Variants in ATP6V1H observed in about 807,000 individuals in gnomAD.
ATP6V1H encodes the protein V-type proton ATPase subunit H.
A neutral mutation model predicts 71.7 loss-of-function variants in ATP6V1H; 39 were observed. The observed-to-expected ratio is 0.54, with a 90% CI of 0.42 to 0.71. The LOEUF (loss-of-function observed/expected upper bound fraction) is 0.71. Among genes scored for constraint, ATP6V1H ranks in the 30% least tolerant of loss-of-function variants. The pLI is 0.00. For missense variants in ATP6V1H, 509 were observed against 594.9 expected (o/e 0.86, Z 1.50); for synonymous variants, 192 against 199.3 (o/e 0.96, Z 0.31).
At chr8:53,789,045 G>T (rs920339659) in intron 9 of ATP6V1H, among the ~76,000 whole-genome samples, 1 of 152,164 alleles carries the variant, frequency 6.6e-6, no homozygotes, top group Non-Finnish European at 1.5e-5. Flanking sequence ...CCAACAAATT[G>T]CCTTACATAT....
intron 13 of ATP6V1H, among the ~76,000 whole-genome samples, chr8:53,718,384 A>ATTTTTT (rs35145366): frequency 1.6e-5 from 2 of 121,792 alleles, no homozygotes; most frequent in Admixed American, 8.6e-5. Context: ...CTCCTACACA[A>ATTTTTT]TTTTTTTTTT....
chr8:53,771,998 T>C lies in ATP6V1H; in HGVS notation c.1040A>G (p.Gln347Arg). ...AAAAAGAATAACACACCTAAGGTCC[T>C]GGACACTCTCTCCAAGTTTTTCCAA... ...FLLEKLGESV[Q>R]DLSSFDEYSS... The change falls in exon 10 of 14, where the codon CAG becomes CGG. Residue 347 changes from glutamine (Q) to arginine (R), a missense_variant. Coordinates refer to ENST00000359530, the MANE Select transcript of ATP6V1H (RefSeq NM_015941.4). The C allele has an allele frequency of 6.2e-7, 1 of 1,613,658 alleles. No individual in the cohort carries two copies. The highest frequency in any genetic ancestry group is 8.5e-7 in the Non-Finnish European group (1 of 1,179,672).
intron 9 of ATP6V1H, among the ~76,000 whole-genome samples, chr8:53,775,192 A>T (rs900986923): frequency 6.6e-6 from 1 of 151,412 alleles, no homozygotes; most frequent in Non-Finnish European, 1.5e-5. Flanking sequence ...GCGCATGTGG[A>T]GTTGTTCGTT....
chr8:53,741,408 T>C (rs1267358022), intron 13 of ATP6V1H, among the ~76,000 whole-genome samples: 1 of 152,162 alleles, frequency 6.6e-6, no homozygotes, highest in Non-Finnish European at 1.5e-5. Context: ...AATACGCTAA[T>C]AAAATAATAA....
At chr8:53,759,872 A>C (rs1486236214) in intron 11 of ATP6V1H, among the ~76,000 whole-genome samples, 1 of 152,254 alleles carries the variant, frequency 6.6e-6, no homozygotes, top group East Asian at 1.9e-4. Context: ...ATACTTGCTA[A>C]GTGTGGAATT....
chr8:53,718,652 G>C (rs903510858), intron 13 of ATP6V1H, among the ~76,000 whole-genome samples: 8 of 152,148 alleles, frequency 5.3e-5, no homozygotes, highest in African/African-American at 1.9e-4. Flanking sequence ...AGCCCCTAAA[G>C]TGCTGGGGTT....
At chr8:53,727,877 G>A (rs1007030215) in intron 13 of ATP6V1H, among the ~76,000 whole-genome samples, 14 of 152,192 alleles carry the variant, frequency 9.2e-5, no homozygotes, top group Admixed American at 9.2e-4. Context: ...ACATCCAGCT[G>A]CAGTTCGGAA....
intron 9 of ATP6V1H, among the ~76,000 whole-genome samples, chr8:53,783,282 T>C (rs2130370369): frequency 6.6e-6 from 1 of 152,356 alleles, no homozygotes; most frequent in South Asian, 2.1e-4. Context: ...AGGGTGTATG[T>C]GTCTAGGAAT....
At chr8:53,755,511 G>A (rs1344589663) in intron 12 of ATP6V1H, among the ~76,000 whole-genome samples, 1 of 146,306 alleles carries the variant, frequency 6.8e-6, no homozygotes, top group African/African-American at 2.5e-5. Flanking sequence ...CGGGGGGTGG[G>A]GGTGGGAGTG....
At chr8:53,838,516 T>C (rs1303587070) in intron 2 of ATP6V1H, among the ~76,000 whole-genome samples, 2 of 152,226 alleles carry the variant, frequency 1.3e-5, no homozygotes, top group Non-Finnish European at 2.9e-5. Context: ...TTGTTGTAAA[T>C]ATATATACAC....
chr8:53,734,135 C>A (rs927851147), intron 13 of ATP6V1H, among the ~76,000 whole-genome samples: 3 of 152,212 alleles, frequency 2.0e-5, no homozygotes, highest in Admixed American at 2.0e-4. Flanking sequence ...CATTGGCTAA[C>A]GAATGCTAGA....
chr8:53,822,232 T>C (rs1810686509), intron 4 of ATP6V1H, among the ~76,000 whole-genome samples: 1 of 152,152 alleles, frequency 6.6e-6, no homozygotes, highest in African/African-American at 2.4e-5. Context: ...AGGAACCTAC[T>C]AGCAGATAAG....
intron 4 of ATP6V1H, among the ~76,000 whole-genome samples, chr8:53,822,342 A>C (rs921534440): frequency 2.6e-5 from 4 of 152,176 alleles, no homozygotes; most frequent in African/African-American, 4.8e-5. Flanking sequence ...GTAGAATAAT[A>C]ATATATAAAT....
Position 53,833,162 on chromosome 8 carries a change from T to G in ATP6V1H, c.114-76A>C, listed in dbSNP as rs539368197. 4 of 1,159,192 alleles carry G rather than the reference T, an allele frequency of 3.5e-6. No homozygotes were observed. In the South Asian group the frequency reaches 5.3e-5, roughly 15 times the overall value. 71.8% of individuals were successfully genotyped at this position (1,159,192 alleles called of 1,614,324 possible). On this transcript the variant is annotated intron_variant, in intron 2 of 13. Coordinates refer to ENST00000359530, the MANE Select transcript of ATP6V1H (RefSeq NM_015941.4). ...CAAGCGATAGAGGAATTTTCAGTCC[T>G]TCTCTTCTCTCCTTGGCAGCAAACC...
At chr8:53,758,145 TA>T (rs1808139653) in intron 11 of ATP6V1H, among the ~76,000 whole-genome samples, 1 of 152,238 alleles carries the variant, frequency 6.6e-6, no homozygotes, top group African/African-American at 2.4e-5. Context: ...TGTGTGTTTT[TA>T]AAAGGCTAAC....
rs149691286 is a variant in ATP6V1H, at chr8:53,739,524, A to G, written c.1391+4053T>C. 348 of 152,374 alleles carry G rather than the reference A, an allele frequency of 2.3e-3. 2 individuals are homozygous for G. Among genetic ancestry groups the G allele is most frequent in the African/African-American group, 8.1e-3 (336 of 41,580 alleles). 9.4% of individuals were successfully genotyped at this position (152,374 alleles called of 1,614,324 possible). A position where few individuals can be genotyped will look rare whatever the true frequency, so the allele number is the denominator to read the frequency against. Reference sequence around the variant, plus strand: ...GAACAAGAATCTAGAGACAAAAATGAAAAATTCTACGTGAGATCCTCTACC... The same window carrying G: ...GAACAAGAATCTAGAGACAAAAATGGAAAATTCTACGTGAGATCCTCTACC... On this transcript the variant is annotated intron_variant, in intron 13 of 13. Coordinates refer to ENST00000359530, the MANE Select transcript of ATP6V1H (RefSeq NM_015941.4).
chr8:53,735,769 G>A (rs762598978), intron 13 of ATP6V1H, among the ~76,000 whole-genome samples: 22 of 152,106 alleles, frequency 1.4e-4, no homozygotes, highest in Admixed American at 3.9e-4. Context: ...ACTCTGTTTC[G>A]GTTAAAAAGT....
chr8:53,787,101 C>T (rs1024435644), intron 9 of ATP6V1H, among the ~76,000 whole-genome samples: 1 of 152,136 alleles, frequency 6.6e-6, no homozygotes, highest in Non-Finnish European at 1.5e-5. Context: ...TGTACTTATC[C>T]ATTGCAGGTT....
intron 11 of ATP6V1H, among the ~76,000 whole-genome samples, chr8:53,765,414 AAAG>A (rs1419052498): frequency 5.9e-5 from 8 of 136,062 alleles, no homozygotes; most frequent in Non-Finnish European, 9.7e-5. Flanking sequence ...AAAAAAAAAA[AAAG>A]GGCAGGGCGG....
Sources: gnomAD v4.1 joint callset for allele counts (sites outside exome capture counted in the v4.1 genomes callset) on GRCh38, gnomAD v4.1.1 for gene constraint, MANE v1.5 for transcripts, NCBI Gene and HGNC (gene_info 2026-07-23, HGNC 2026-07-21) for gene names.